The following EPHA6 variants were observed in gnomAD, a reference collection of about 807,000 sequenced individuals.
EPHA6 encodes EPH receptor A6.
Under a neutral mutation model 112.0 loss-of-function variants are expected in EPHA6, and 50 were observed. The observed-to-expected ratio is 0.45, with a 90% CI of 0.36 to 0.56. EPHA6 has a LOEUF of 0.56. Among genes scored for constraint, EPHA6 ranks in the 20% least tolerant of loss-of-function variants. The probability of loss-of-function intolerance (pLI) is 0.00; values close to 1 mark genes in which losing one functional copy is unlikely to be tolerated. For synonymous variants in EPHA6, 529 were observed against 490.7 expected (o/e 1.08, Z -1.03); for missense variants, 1,280 against 1,417.4 (o/e 0.90, Z 1.56).
intron 5 of EPHA6, among the ~76,000 whole-genome samples, chr3:97,264,044 A>G (rs1487997353): frequency 6.6e-6 from 1 of 152,192 alleles, no homozygotes; most frequent in Non-Finnish European, 1.5e-5. Context: ...AAATATTTTC[A>G]GCTGTGCAGG....
Position 96,829,247 on chromosome 3 carries a change from T to A in EPHA6, c.385+14239T>A, listed in dbSNP as rs2033862606. Among the ~76,000 whole-genome samples the A allele has an allele frequency of 2.0e-5, 3 of 152,254 alleles. No individual in the cohort carries two copies. The South Asian group carries it at 6.2e-4, about 32-fold the overall frequency. ...TAGAGGAGAATCATTCGTTTTATGT[T>A]TGGAAACTTAAAAGGGAAAAAAATT... On this transcript the variant is annotated intron_variant, in intron 1 of 17. Transcript: ENST00000389672.
intron 7 of EPHA6, chr3:97,466,339 T>G: frequency 6.2e-7 from 1 of 1,602,586 alleles, no homozygotes; most frequent in Non-Finnish European, 8.5e-7. Context: ...TTTGGATATA[T>G]AAAGTCCTGC....
chr3:96,824,611 C>T (rs1300023081), intron 1 of EPHA6, among the ~76,000 whole-genome samples: 3 of 151,940 alleles, frequency 2.0e-5, no homozygotes, highest in Non-Finnish European at 2.9e-5. Context: ...CAGGCCACTG[C>T]CCCAACTTGT....
At chr3:97,196,918 C>T (rs1445564509) in intron 3 of EPHA6, among the ~76,000 whole-genome samples, 1 of 151,986 alleles carries the variant, frequency 6.6e-6, no homozygotes, top group African/African-American at 2.4e-5. Context: ...GGAACTGCAT[C>T]CAGTCAGACC....
At chr3:97,056,823 C>G (rs2045868905) in intron 3 of EPHA6, among the ~76,000 whole-genome samples, 2 of 152,118 alleles carry the variant, frequency 1.3e-5, no homozygotes, top group African/African-American at 4.8e-5. Context: ...TTCTTCATTT[C>G]TCATAGGTCT....
intron 3 of EPHA6, among the ~76,000 whole-genome samples, chr3:97,058,456 C>T (rs909085833): frequency 2.6e-5 from 4 of 152,060 alleles, no homozygotes; most frequent in Admixed American, 6.6e-5. Flanking sequence ...CACCACCCTC[C>T]GGCCCCAGCT....
In EPHA6 at chr3:97,461,177, G is replaced by C. The variant is rs371010054; in HGVS notation, c.1894+12447G>C. On this transcript the variant is annotated intron_variant, in intron 7 of 17. Coordinates refer to ENST00000389672, the MANE Select transcript of EPHA6 (RefSeq NM_001080448.3). ...AGAAAAGGAAGAACTTATACAAGCA[G>C]AAAGAAGAAAGAAATTTTTTATGTT... Among the ~76,000 whole-genome samples the C allele has an allele frequency of 7.1e-4, 108 of 152,210 alleles. 3 individuals carry two copies. In the South Asian group the frequency reaches 0.022, roughly 31 times the overall value.
chr3:96,916,661 T>C (rs2039496543), intron 2 of EPHA6, among the ~76,000 whole-genome samples: 1 of 152,098 alleles, frequency 6.6e-6, no homozygotes, highest in African/African-American at 2.4e-5. Flanking sequence ...TTGAAAGAGT[T>C]GTCCTCAAAG....
At chr3:97,406,385 G>A (rs1415238341) in intron 6 of EPHA6, among the ~76,000 whole-genome samples, 1 of 152,114 alleles carries the variant, frequency 6.6e-6, no homozygotes, top group Non-Finnish European at 1.5e-5. Context: ...AGGCCAGGGT[G>A]AGAGAGAAGC....
At chr3:96,883,594 A>C (rs982702640) in intron 2 of EPHA6, among the ~76,000 whole-genome samples, 1 of 152,144 alleles carries the variant, frequency 6.6e-6, no homozygotes, top group East Asian at 1.9e-4. Context: ...TTTTTGTATA[A>C]GGTGAGAGAT....
intron 3 of EPHA6, among the ~76,000 whole-genome samples, chr3:97,166,372 A>G (rs2076541541): frequency 6.6e-6 from 1 of 152,014 alleles, no homozygotes; most frequent in Non-Finnish European, 1.5e-5. Flanking sequence ...GTTTTTAAAA[A>G]AAAAAAAAAA....
rs192996019 is a variant in EPHA6 at position 97,078,415 on chromosome 3, T to A, written c.1114+90422T>A. On this transcript the variant is annotated intron_variant, in intron 3 of 17. Transcript: ENST00000389672. ...TTTGTTTAATTAGATCCCATTTGTC[T>A]ATTTTGGCTTTTGTTGCCATTGCTT... Among the ~76,000 whole-genome samples, 471 of 152,214 alleles carry A rather than the reference T, an allele frequency of 3.1e-3. 3 individuals are homozygous for A. The highest frequency in any genetic ancestry group is 9.7e-3 in the African/African-American group (404 of 41,548).
At chr3:97,213,400 C>T (rs2077933798) in intron 3 of EPHA6, among the ~76,000 whole-genome samples, 2 of 152,258 alleles carry the variant, frequency 1.3e-5, no homozygotes, top group South Asian at 2.1e-4. Flanking sequence ...CCATTTCTGG[C>T]CACCACCACC....
At chr3:97,458,995 A>T (rs965926692) in intron 7 of EPHA6, among the ~76,000 whole-genome samples, 11 of 152,324 alleles carry the variant, frequency 7.2e-5, no homozygotes, top group African/African-American at 2.6e-4. Context: ...AAGGGAGCAC[A>T]AGGAGAAAAA....
intron 10 of EPHA6, among the ~76,000 whole-genome samples, chr3:97,492,424 C>T (rs1168545066): frequency 6.6e-6 from 1 of 151,070 alleles, no homozygotes; most frequent in African/African-American, 2.4e-5. Context: ...CACCTGTAAT[C>T]CCAACTACTC....
intron 2 of EPHA6, among the ~76,000 whole-genome samples, chr3:96,947,947 C>T (rs949109031): frequency 2.6e-5 from 4 of 152,118 alleles, no homozygotes; most frequent in Admixed American, 1.3e-4. Context: ...CCAAGACAGT[C>T]CTAAGCCAAA....
At chr3:96,980,646 A>G (rs1013449228) in intron 2 of EPHA6, among the ~76,000 whole-genome samples, 4 of 150,360 alleles carry the variant, frequency 2.7e-5, no homozygotes, top group Admixed American at 6.7e-5. Context: ...CTTGGGCAGT[A>G]TGGCCATTTT....
intron 2 of EPHA6, among the ~76,000 whole-genome samples, chr3:96,897,838 G>A (rs1311900832): frequency 2.0e-5 from 3 of 152,078 alleles, no homozygotes; most frequent in Non-Finnish European, 4.4e-5. Context: ...AGCACATCTT[G>A]GCCTATCAGA....
intron 14 of EPHA6, among the ~76,000 whole-genome samples, chr3:97,655,299 C>T (rs1293067972): frequency 6.6e-6 from 1 of 151,640 alleles, no homozygotes; most frequent in Admixed American, 6.6e-5. Context: ...GTGCCTGTCC[C>T]ACAATCAAAT....
Sources: gnomAD v4.1 joint callset for allele counts (sites outside exome capture counted in the v4.1 genomes callset) on GRCh38, gnomAD v4.1.1 for gene constraint, MANE v1.5 for transcripts, NCBI Gene and HGNC (gene_info 2026-07-23, HGNC 2026-07-21) for gene names.